Variants in STK26 observed in about 807,000 individuals in gnomAD.
The protein encoded by STK26 is serine/threonine kinase 26.
A neutral mutation model predicts 34.7 loss-of-function variants in STK26; 14 were observed. The ratio of observed to expected loss-of-function variants is 0.40; its 90% confidence interval spans 0.27 to 0.63. The LOEUF (loss-of-function observed/expected upper bound fraction) is 0.63, where lower values mean the gene tolerates loss of function less well. Ranked by LOEUF, STK26 falls within the 30% of genes least tolerant of loss-of-function variation. The pLI is 0.38. For synonymous variants in STK26, 100 were observed against 109.8 expected (o/e 0.91, Z 0.56); for missense variants, 226 against 309.1 (o/e 0.73, Z 2.02).
At position 132,067,395 on chromosome X, in the gene STK26, A is replaced by G. The variant is rs759156253; in HGVS notation, c.331-820A>G. Among the ~76,000 whole-genome samples, 3 of 111,429 alleles carry G rather than the reference A, an allele frequency of 2.7e-5. No homozygotes were observed. In the South Asian group the frequency reaches 1.1e-3, roughly 42 times the overall value. ...ACTTTAGATTCCCACCCTTTCCTGT[A>G]ATAATATTGTACAGTCCACTGTTTG... On this transcript the variant is annotated intron_variant, in intron 4 of 11. Coordinates refer to ENST00000394334, the MANE Select transcript of STK26 (RefSeq NM_016542.4).
intron 2 of STK26, among the ~76,000 whole-genome samples, chrX:132,037,712 G>A (rs1189641795): frequency 9.4e-6 from 1 of 106,253 alleles, no homozygotes; most frequent in African/African-American, 3.5e-5. Flanking sequence ...AGAATGGAAG[G>A]GACCAGGCAT....
chrX:132,053,687 T>C (rs1926761858), intron 2 of STK26, among the ~76,000 whole-genome samples: 1 of 111,723 alleles, frequency 9.0e-6, no homozygotes, highest in Non-Finnish European at 1.9e-5. Flanking sequence ...AACTCAAAGT[T>C]TTTGATTAAT....
chrX:132,071,637 G>A (rs1355894028), intron 8 of STK26, among the ~76,000 whole-genome samples: 1 of 112,185 alleles, frequency 8.9e-6, no homozygotes, highest in Non-Finnish European at 1.9e-5. Flanking sequence ...AGATCAGACT[G>A]ATACATTTAA....
intron 2 of STK26, among the ~76,000 whole-genome samples, chrX:132,044,688 T>TATATATAGAG (rs754725330): frequency 2.3e-5 from 1 of 43,401 alleles, no homozygotes; most frequent in African/African-American, 1.2e-4. Context: ...TATATATATA[T>TATATATAGAG]AGAGAGAGAG....
rs779688410 is a variant in STK26 at position 132,054,866 on chromosome X, T to C, written c.273+5T>C. 4 of 1,155,954 alleles carry C rather than the reference T, an allele frequency of 3.5e-6. No homozygotes were observed. The Admixed American group carries it at 6.9e-5, about 20-fold the overall frequency. ...TACTATGGGTCATATTTAAAGGTAA[T>C]GTGTGTGCTGTATTATTTAAGTCAT... is the stretch of plus-strand genomic sequence containing the variant. On this transcript the variant is annotated splice_donor_5th_base_variant and intron_variant, in intron 3 of 11. Coordinates refer to ENST00000394334, the MANE Select transcript of STK26 (RefSeq NM_016542.4).
chrX:132,055,882 G>A (rs1363682947), intron 3 of STK26, among the ~76,000 whole-genome samples: 2 of 111,887 alleles, frequency 1.8e-5, no homozygotes, highest in Admixed American at 9.5e-5. Flanking sequence ...ATACCTTTAC[G>A]AAATAACCTG....
At chrX:132,059,267 G>A (rs1388821798) in intron 3 of STK26, among the ~76,000 whole-genome samples, 2 of 111,690 alleles carry the variant, frequency 1.8e-5, no homozygotes, top group African/African-American at 6.5e-5. Flanking sequence ...GAGCAAACTG[G>A]GAAATGGGTT....
At chrX:132,063,120 G>A (rs1158875778) in intron 3 of STK26, among the ~76,000 whole-genome samples, 2 of 110,767 alleles carry the variant, frequency 1.8e-5, no homozygotes, top group Non-Finnish European at 3.8e-5. Context: ...ATTTTTAAAA[G>A]TATAATTAAA....
intron 2 of STK26, among the ~76,000 whole-genome samples, chrX:132,033,988 C>G (rs1330294977): frequency 9.1e-6 from 1 of 109,341 alleles, no homozygotes; most frequent in African/African-American, 3.3e-5. Flanking sequence ...TGTTTTGCTA[C>G]TCCACTACCT....
intron 7 of STK26, among the ~76,000 whole-genome samples, chrX:132,070,534 G>T (rs962008428): frequency 8.9e-6 from 1 of 112,026 alleles, no homozygotes; most frequent in Non-Finnish European, 1.9e-5. Flanking sequence ...TTAAGTTGAT[G>T]ATAAACATTC....
chrX:132,023,463 T>G (rs898038879), intron 1 of STK26, 45 bp from the exon 2 acceptor site: 1 of 703,594 alleles, frequency 1.4e-6, no homozygotes, highest in African/African-American at 2.1e-5. Context: ...AGCCCCGGGC[T>G]ACGCGCCGCC....
At chrX:132,044,834 G>T (rs1926441421) in intron 2 of STK26, among the ~76,000 whole-genome samples, 2 of 83,501 alleles carry the variant, frequency 2.4e-5, no homozygotes, top group African/African-American at 4.5e-5. Flanking sequence ...TATATAGAGA[G>T]AGATCTATAT....
intron 2 of STK26, among the ~76,000 whole-genome samples, chrX:132,046,455 T>C (rs1926500776): frequency 8.9e-6 from 1 of 112,170 alleles, no homozygotes; most frequent in East Asian, 2.8e-4. Flanking sequence ...AGTTATCCTT[T>C]ACTAAAATAT....
intron 2 of STK26, among the ~76,000 whole-genome samples, chrX:132,043,691 A>C (rs1926345248): frequency 9.0e-6 from 1 of 111,657 alleles, no homozygotes; most frequent in African/African-American, 3.3e-5. Context: ...TGGCTCTTCA[A>C]GGCCTCTAAT....
intron 3 of STK26, among the ~76,000 whole-genome samples, chrX:132,055,967 T>G (rs919904834): frequency 1.8e-5 from 2 of 112,619 alleles, no homozygotes; most frequent in African/African-American, 6.5e-5. Flanking sequence ...TTTCATTTCA[T>G]TCATTGTATT....
intron 2 of STK26, among the ~76,000 whole-genome samples, chrX:132,047,497 C>G (rs532578291): frequency 3.6e-5 from 4 of 111,006 alleles, no homozygotes; most frequent in South Asian, 7.5e-4. Flanking sequence ...TTAAGGGTTA[C>G]TGAAGTATAC....
intron 4 of STK26, among the ~76,000 whole-genome samples, 171 bp downstream of exon 4, chrX:132,063,660 A>G (rs1424206086): frequency 8.9e-6 from 1 of 111,959 alleles, no homozygotes; most frequent in Non-Finnish European, 1.9e-5. Context: ...GTACAGATGT[A>G]TTGTACGTTT....
At chrX:132,034,383 T>TGCAA (rs1162202126) in intron 2 of STK26, among the ~76,000 whole-genome samples, 31 of 87,568 alleles carry the variant, frequency 3.5e-4, no homozygotes, top group African/African-American at 1.1e-3. Flanking sequence ...CTCGGCTCAC[T>TGCAA]GCAAGCTCCG....
At chrX:132,038,507 G>C (rs1204742547) in intron 2 of STK26, among the ~76,000 whole-genome samples, 1 of 111,488 alleles carries the variant, frequency 9.0e-6, no homozygotes. Context: ...GTGCAATTTT[G>C]GTAGCATGTG....
Sources: gnomAD v4.1 joint callset for allele counts (sites outside exome capture counted in the v4.1 genomes callset) on GRCh38, gnomAD v4.1.1 for gene constraint, MANE v1.5 for transcripts, NCBI Gene and HGNC (gene_info 2026-07-23, HGNC 2026-07-21) for gene names.